Variants in GAS6 observed in about 807,000 individuals in gnomAD.
GAS6 encodes growth arrest-specific protein 6.
GAS6 carries 41 observed loss-of-function variants against 75.8 expected under a neutral mutation model. The ratio of observed to expected loss-of-function variants is 0.54; its 90% CI spans 0.42 to 0.70. The LOEUF (loss-of-function observed/expected upper bound fraction) is 0.70. GAS6 is among the 30% of genes least tolerant of loss of function. The pLI, the probability that GAS6 is intolerant of heterozygous loss-of-function variation, is 0.00. For synonymous variants in GAS6, 432 were observed against 412.6 expected (o/e 1.05, Z -0.57); for missense variants, 854 against 940.2 (o/e 0.91, Z 1.20).
chr13:113,858,945 CATGT>C (rs1444345961), intron 2 of GAS6, among the ~76,000 whole-genome samples: 2 of 147,080 alleles, frequency 1.4e-5, no homozygotes, highest in Non-Finnish European at 3.0e-5. Context: ...GCGTGTCATG[CATGT>C]GTGTACATGT....
intron 12 of GAS6, among the ~76,000 whole-genome samples, chr13:113,824,763 C>T (rs897246077): frequency 3.3e-5 from 5 of 152,072 alleles, no homozygotes; most frequent in African/African-American, 9.7e-5. Context: ...CTAGCTGGTA[C>T]CCGCCACATC....
In GAS6 at chr13:113,827,076, G is replaced by T; in HGVS notation, c.1397C>A (p.Thr466Lys). Residue 466 changes from threonine (T) to lysine (K), a missense_variant, in exon 12 of 15, where the codon ACG becomes AAG. Physicochemically the swap from Thr to Lys is moderately conservative, Grantham distance 78. Coordinates refer to ENST00000327773, the MANE Select transcript of GAS6 (RefSeq NM_000820.4). Reference protein sequence around the residue: ...TTIQETVKVNTRMQCFSVTER... With the variant: ...TTIQETVKVNKRMQCFSVTER... Reference sequence around the variant, plus strand: ...CGTCACCGAGAAGCACTGCATCCTCGTGTTCACTTTCACCGTTTCCTGGAT... The same window carrying T: ...CGTCACCGAGAAGCACTGCATCCTCTTGTTCACTTTCACCGTTTCCTGGAT... 3.1e-6 allele frequency: 5 copies of T among 1,613,582 alleles called. No homozygotes were observed. The highest frequency in any genetic ancestry group is 4.2e-6 in the Non-Finnish European group (5 of 1,179,960).
At chr13:113,839,690 T>C (rs2051755057) in intron 5 of GAS6, 38 bp downstream of exon 5, 1 of 1,608,772 alleles carries the variant, frequency 6.2e-7, no homozygotes, top group Non-Finnish European at 8.5e-7. Context: ...GGGTCGGAGA[T>C]GGAGGGAGAC....
chr13:113,822,522 C>T, intron 13 of GAS6: 1 of 238,942 alleles, frequency 4.2e-6, no homozygotes, highest in Non-Finnish European at 8.1e-6. Context: ...CTGGGGTGGC[C>T]CTGATGGGGA....
In GAS6 at chr13:113,820,905, T is replaced by A; in HGVS notation, c.1996A>T (p.Thr666Ser). ...TCCACGGGGGGGCAGGAGTGGGCCGTGATGTCGCTGTGCTTGTACGCCGCC... is the reference window on the plus strand; with the variant it reads ...TCCACGGGGGGGCAGGAGTGGGCCGAGATGTCGCTGTGCTTGTACGCCGCC... ...DEAAYKHSDI[T>S]AHSCPPVEPA... Residue 666 changes from threonine to serine, a missense_variant, in exon 15 of 15, where the codon ACG (threonine) becomes TCG (serine). Transcript: ENST00000327773. The A allele has an allele frequency of 6.2e-7, 1 of 1,611,622 alleles. No homozygotes were observed. The highest frequency in any genetic ancestry group is 8.5e-7 in the Non-Finnish European group (1 of 1,179,810).
intron 5 of GAS6, among the ~76,000 whole-genome samples, chr13:113,838,701 C>T (rs1212858183): frequency 1.0e-4 from 15 of 144,976 alleles, no homozygotes; most frequent in Non-Finnish European, 2.0e-4. Context: ...GGGAGGGAGC[C>T]CGGGGGTGCA....
chr13:113,863,502 G>C lies in GAS6; in HGVS notation c.255+73C>G, dbSNP rs2051990019. On this transcript the variant is annotated intron_variant, in intron 2 of 14. Coordinates refer to ENST00000327773, the MANE Select transcript of GAS6 (RefSeq NM_000820.4). The surrounding 1 kb of genome is among the most constrained non-coding windows in gnomAD (Gnocchi z 9.4). ...CGCGGAGCTGGGGGGCGGCAGCAGCGCTGCCTCTCGGGAGCGGTTGGAGGC... is the reference window on the plus strand; with the variant it reads ...CGCGGAGCTGGGGGGCGGCAGCAGCCCTGCCTCTCGGGAGCGGTTGGAGGC... The C allele has an allele frequency of 5.7e-6, 8 of 1,397,092 alleles. No individual in the cohort carries two copies. The highest frequency in any genetic ancestry group is 2.5e-4 in the Middle Eastern group (1 of 3,942). 86.5% of individuals were successfully genotyped at this position (1,397,092 alleles called of 1,614,324 possible). A position where few individuals can be genotyped will look rare whatever the true frequency, so the allele number is the denominator to read the frequency against.
At position 113,823,490 on chromosome 13, in the gene GAS6, A is replaced by G. The variant is rs1594187097; in HGVS notation, c.1538T>C (p.Ile513Thr). ...STWEVEVVAH[I>T]RPAADTGVLF... ...CACGCCTGTGTCTGCGGCTGGGCGG[A>G]TGTGAGCCACGACTTCTACTTCCCA... is the stretch of plus-strand genomic sequence containing the variant. The change falls in exon 13 of 15, where the codon ATC becomes ACC. Residue 513 changes from isoleucine to threonine, a missense_variant. Transcript: ENST00000327773. 9 of 1,612,670 alleles carry G rather than the reference A, an allele frequency of 5.6e-6. No individual in the cohort carries two copies. The highest frequency in any genetic ancestry group is 7.6e-6 in the Non-Finnish European group (9 of 1,179,928).
rs770547465 is a variant in GAS6, at chr13:113,835,628, G to A, written c.597C>T (p.Asp199=). Reference sequence around the variant, plus strand: ...CGCAGGCCTCCGAGTCTGCGCACTCGTCTATGTCTGCAAGCAAAAAAAAAC... The same window carrying A: ...CGCAGGCCTCCGAGTCTGCGCACTCATCTATGTCTGCAAGCAAAAAAAAAC... The part of the protein sequence containing the change: ...SSDGRTCQDI[D]ECADSEACGE... The change falls in exon 7 of 15, where the codon GAC becomes GAT. Residue 199 remains aspartate (D), a synonymous_variant. Coordinates refer to ENST00000327773, the MANE Select transcript of GAS6 (RefSeq NM_000820.4). 1.7e-4 allele frequency: 266 copies of A among 1,611,318 alleles called. 3 individuals are homozygous for A. The South Asian group carries it at 2.7e-3, about 17-fold the overall frequency.
rs1040257946 is a variant in GAS6, at chr13:113,837,839, C to T, written c.589+230G>A. Among the ~76,000 whole-genome samples the T allele has an allele frequency of 1.3e-5, 2 of 152,134 alleles. No homozygotes were observed. Among genetic ancestry groups the T allele is most frequent in the African/African-American group, 2.4e-5 (1 of 41,420 alleles). ...AGCAGTGTGGCCTCATGGGCTGGGC[C>T]GGCCCCCTGAGTCCTGGCCCTCAGA... On this transcript the variant is annotated intron_variant, in intron 6 of 14. Transcript: ENST00000327773. This position sits in a 1 kb window ranked among gnomAD's most constrained non-coding sequence, Gnocchi z 5.1.
rs538334476 is a variant in GAS6, at chr13:113,848,893, G to A, written c.256-843C>T. On this transcript the variant is annotated intron_variant, in intron 2 of 14. Coordinates refer to ENST00000327773, the MANE Select transcript of GAS6 (RefSeq NM_000820.4). The surrounding 1 kb of genome is among the most constrained non-coding windows in gnomAD (Gnocchi z 4.8). ...AAACCCGGCTTCAGGATGGTTGTGG[G>A]ATTCACCTGGGGGCATGAAGGTCAG... 6.6e-6 allele frequency among the ~76,000 whole-genome samples: 1 copy of A among 152,362 alleles called. No individual in the cohort carries two copies. The highest frequency in any genetic ancestry group is 2.1e-4 in the South Asian group (1 of 4,828).
chr13:113,842,460 G>A (rs1240503469), intron 4 of GAS6: 4 of 395,404 alleles, frequency 1.0e-5, no homozygotes, highest in South Asian at 1.4e-4. Flanking sequence ...GGAGCCGGCC[G>A]GGGCCCCATC....
chr13:113,821,936 G>T, intron 14 of GAS6, 22 bp downstream of exon 14: 1 of 1,500,778 alleles, frequency 6.7e-7, no homozygotes, highest in Non-Finnish European at 8.9e-7. Flanking sequence ...CACCCGGGTT[G>T]AGCGGAGCAG....
In GAS6 at chr13:113,863,739, C is replaced by G; in HGVS notation, c.91G>C (p.Ala31Pro). ...GTGGCCTCGCGCGCCGGCAACAGCGCGGCTGCCCGGAGGGAGAGAGGGGGA... is the reference window on the plus strand; with the variant it reads ...GTGGCCTCGCGCGCCGGCAACAGCGGGGCTGCCCGGAGGGAGAGAGGGGGA... ...LLLAAECALA[A>P]LLPAREATQF... Residue 31 changes from alanine (A) to proline (P), a missense_variant and splice_region_variant, in exon 2 of 15, where the codon GCG becomes CCG. Transcript: ENST00000327773. The surrounding 1 kb of genome is among the most constrained non-coding windows in gnomAD (Gnocchi z 9.4). 6 of 1,490,996 alleles carry G rather than the reference C, an allele frequency of 4.0e-6. No individual in the cohort carries two copies. The highest frequency in any genetic ancestry group is 5.3e-6 in the Non-Finnish European group (6 of 1,125,814). The allele number at this position is 1,490,996 out of a possible 1,614,324, so 92.4% of individuals were successfully genotyped here. A position where few individuals can be genotyped will look rare whatever the true frequency, so the allele number is the denominator to read the frequency against.
chr13:113,827,126 G>A lies in GAS6; in HGVS notation c.1347C>T (p.Asn449=). Residue 449 remains asparagine, a synonymous_variant, in exon 12 of 15, where the codon AAC becomes AAT. Transcript: ENST00000327773. ...PRLDGCMRSW[N]WLNGEDTTIQ... is the part of the protein sequence containing the mutation. Reference sequence around the variant, plus strand: ...TGGTGGTGTCTTCTCCGTTCAGCCAGTTCCAGCTCCTCATGCAGCCATCCA... The same window carrying A: ...TGGTGGTGTCTTCTCCGTTCAGCCAATTCCAGCTCCTCATGCAGCCATCCA... The A allele has an allele frequency of 6.2e-7, 1 of 1,613,474 alleles. No individual in the cohort carries two copies. Among genetic ancestry groups the A allele is most frequent in the Non-Finnish European group, 8.5e-7 (1 of 1,179,904 alleles).
chr13:113,862,699 G>A (rs1422030791), intron 2 of GAS6, among the ~76,000 whole-genome samples: 3 of 152,166 alleles, frequency 2.0e-5, no homozygotes, highest in South Asian at 2.1e-4. Context: ...AAATGTAAGC[G>A]GAAACAGGCC....
Position 113,832,718 on chromosome 13 carries a change from T to C in GAS6, c.869A>G (p.Lys290Arg), listed in dbSNP as rs1566359587. The C allele has an allele frequency of 6.2e-7, 1 of 1,612,728 alleles. No individual in the cohort carries two copies. Among genetic ancestry groups the C allele is most frequent in the South Asian group, 1.1e-5 (1 of 91,082 alleles). Residue 290 changes from lysine to arginine, a missense_variant, in exon 9 of 15, where the codon AAG becomes AGG. Lys to Arg is a conservative substitution (Grantham distance 26). Transcript: ENST00000327773. ...GCCCAGGTACAAGGACTTCACACTC[T>C]TGGCCACGCTGAAGGGCACGCACGG... ...ILPCVPFSVA[K>R]SVKSLYLGRM...
intron 4 of GAS6, chr13:113,842,830 C>T: frequency 2.5e-6 from 1 of 396,976 alleles, no homozygotes; most frequent in Non-Finnish European, 4.4e-6. Context: ...ATGCAAAGGG[C>T]TGGGAACCCG....
chr13:113,860,618 G>A (rs891672449), intron 2 of GAS6, among the ~76,000 whole-genome samples: 2 of 152,190 alleles, frequency 1.3e-5, no homozygotes, highest in Non-Finnish European at 2.9e-5. Context: ...CTCGGGCAAG[G>A]AACCCAGCAG....
Sources: gnomAD v4.1 joint callset for allele counts (sites outside exome capture counted in the v4.1 genomes callset) on GRCh38, gnomAD v4.1.1 for gene constraint, Gnocchi (gnomAD v3.1) non-coding constraint, MANE v1.5 for transcripts, NCBI Gene and HGNC (gene_info 2026-07-23, HGNC 2026-07-21) for gene names.